PCDHA3: variants seen among roughly 807,000 people sequenced by gnomAD.
The protein encoded by PCDHA3 is protocadherin alpha-3.
A neutral mutation model predicts 62.2 loss-of-function variants in PCDHA3; 41 were observed. The observed-to-expected ratio is 0.66, with a 90% CI of 0.51 to 0.86. The LOEUF is 0.86. Ranked by LOEUF, PCDHA3 falls within the 40% of genes least tolerant of loss-of-function variation. The pLI is 0.00. For missense variants in PCDHA3, 1,304 were observed against 1,241.2 expected (o/e 1.05, Z -0.76); for synonymous variants, 640 against 555.4 (o/e 1.15, Z -2.14).
intron 1 of PCDHA3, among the ~76,000 whole-genome samples, chr5:140,885,084 A>C (rs1313908585): frequency 6.6e-6 from 1 of 152,198 alleles, no homozygotes; most frequent in South Asian, 2.1e-4. Context: ...AAAGAGCCCC[A>C]TAACTTTTCA....
At chr5:141,007,804 A>G (rs966389410) in intron 3 of PCDHA3, among the ~76,000 whole-genome samples, 1 of 152,204 alleles carries the variant, frequency 6.6e-6, no homozygotes, top group Non-Finnish European at 1.5e-5. Context: ...TTTATCTGCC[A>G]TTCATTTGCC....
chr5:140,805,698 GAATT>G (rs782460054), intron 1 of PCDHA3: 697 of 650,068 alleles, frequency 1.1e-3, no homozygotes, highest in Non-Finnish European at 1.3e-3. Context: ...TGATTACCAA[GAATT>G]AGAATAAAAA....
chr5:140,830,269 A>T, intron 1 of PCDHA3: 6 of 1,613,514 alleles, frequency 3.7e-6, no homozygotes, highest in Non-Finnish European at 5.1e-6. Flanking sequence ...GCTCGGCGCC[A>T]CCCACCGAGG....
chr5:140,969,700 A>G (rs2096354004), intron 1 of PCDHA3, among the ~76,000 whole-genome samples: 1 of 152,178 alleles, frequency 6.6e-6, no homozygotes. Context: ...CCTCTGCTGT[A>G]TCATCTACAG....
At chr5:140,999,524 C>T (rs1367103048) in intron 3 of PCDHA3, among the ~76,000 whole-genome samples, 1 of 152,026 alleles carries the variant, frequency 6.6e-6, no homozygotes, top group Non-Finnish European at 1.5e-5. Context: ...ATTTTGTTAC[C>T]CCCTGGATAT....
rs2153691387 is a variant in PCDHA3, at chr5:140,951,014, G to C, written c.2395-27935G>C. Among the ~76,000 whole-genome samples the C allele has an allele frequency of 1.3e-5, 2 of 151,872 alleles. 1 individual carries two copies. Among genetic ancestry groups the C allele is most frequent in the Middle Eastern group, 6.8e-3 (2 of 294 alleles). On this transcript the variant is annotated intron_variant, in intron 1 of 3. Coordinates refer to ENST00000522353, the MANE Select transcript of PCDHA3 (RefSeq NM_018906.3). The stretch of plus-strand genomic sequence containing the variant: ...TTAGCTCCATTTTTCCCAAGATCAG[G>C]CAGTGAGTTTTAATTTCAAATATTA...
chr5:140,809,503 C>T lies in PCDHA3; in HGVS notation c.2394+5912C>T, dbSNP rs782650472. 22 of 1,614,096 alleles carry T rather than the reference C, an allele frequency of 1.4e-5. No individual in the cohort carries two copies. The Admixed American group carries it at 2.5e-4, about 18-fold the overall frequency. On this transcript the variant is annotated intron_variant, in intron 1 of 3. Coordinates refer to ENST00000522353, the MANE Select transcript of PCDHA3 (RefSeq NM_018906.3). The stretch of plus-strand genomic sequence containing the variant: ...CACCCAAGACCGACCTCATGGCCTT[C>T]AGCCCCAGTTTACCTGACTCTAGGG...
intron 1 of PCDHA3, chr5:140,843,933 G>A: frequency 1.7e-6 from 1 of 576,250 alleles, no homozygotes. Context: ...CTCAAGTTAT[G>A]GTTGGATGAT....
At chr5:140,858,289 T>A in intron 1 of PCDHA3, 2 of 1,597,184 alleles carry the variant, frequency 1.3e-6, no homozygotes, top group East Asian at 4.5e-5. Context: ...GGAGCTGGTC[T>A]TACTCGCAGC....
chr5:140,999,751 G>A (rs1167424188), intron 3 of PCDHA3, among the ~76,000 whole-genome samples: 1 of 152,150 alleles, frequency 6.6e-6, no homozygotes, highest in Non-Finnish European at 1.5e-5. Flanking sequence ...TGGGTTCGCA[G>A]CACATGATGT....
At chr5:140,935,767 T>C (rs1373324342) in intron 1 of PCDHA3, among the ~76,000 whole-genome samples, 2 of 152,184 alleles carry the variant, frequency 1.3e-5, no homozygotes, top group Non-Finnish European at 2.9e-5. Flanking sequence ...TCTTCCCCAC[T>C]TTGAGTTTTT....
At chr5:140,882,755 G>T in intron 1 of PCDHA3, 1 of 1,614,230 alleles carries the variant, frequency 6.2e-7, no homozygotes, top group Non-Finnish European at 8.5e-7. Flanking sequence ...TGCAGATATT[G>T]GAGTAAACTC....
rs543216216 is a variant in PCDHA3, at chr5:140,917,329, G to A, written c.2395-61620G>A. 1.4e-4 allele frequency among the ~76,000 whole-genome samples: 20 copies of A among 144,014 alleles called. 2 individuals are homozygous for A. In the South Asian group the frequency reaches 2.0e-3, roughly 14 times the overall value. The allele number at this position is 144,014 out of a possible 152,430, so 94.5% of individuals were successfully genotyped here. ...ACAATTTGGTGTTCATGTGGCGGGG[G>A]AGGGGGGGGATGGTGTAGGCTTCTG... is the stretch of plus-strand genomic sequence containing the variant. On this transcript the variant is annotated intron_variant, in intron 1 of 3. Coordinates refer to ENST00000522353, the MANE Select transcript of PCDHA3 (RefSeq NM_018906.3).
rs782380359 is a variant in PCDHA3 at position 140,858,226 on chromosome 5, C to T, written c.2394+54635C>T. ...CACTGAGGTGCTCGGCGGCGCCCAC[C>T]GAGGGCGCATGTGGGCCGGTGAAGC... On this transcript the variant is annotated intron_variant, in intron 1 of 3. Transcript: ENST00000522353. 1.3e-5 allele frequency: 21 copies of T among 1,595,412 alleles called. 1 individual carries two copies. The highest frequency in any genetic ancestry group is 1.6e-5 in the Non-Finnish European group (19 of 1,165,410).
intron 1 of PCDHA3, chr5:140,828,112 T>C (rs970956452): frequency 6.2e-7 from 1 of 1,611,926 alleles, no homozygotes; most frequent in Non-Finnish European, 8.5e-7. Flanking sequence ...CCCCGGAGGA[T>C]AGATTGGGAA....
At chr5:140,930,420 A>T (rs996872425) in intron 1 of PCDHA3, 2 of 151,962 alleles carry the variant, frequency 1.3e-5, no homozygotes, top group Non-Finnish European at 2.9e-5. Context: ...CAGGGGTCTC[A>T]CTATGTTGCC....
chr5:140,841,710 C>G (rs2150321322), intron 1 of PCDHA3: 2 of 1,613,856 alleles, frequency 1.2e-6, no homozygotes, highest in African/African-American at 1.3e-5. Context: ...AATGACAACC[C>G]GCCAGTGTTC....
chr5:140,808,376 C>T, intron 1 of PCDHA3: 1 of 1,614,202 alleles, frequency 6.2e-7, no homozygotes, highest in Non-Finnish European at 8.5e-7. Context: ...CCCCTTCAAG[C>T]TGGTGTCCAC....
intron 1 of PCDHA3, among the ~76,000 whole-genome samples, chr5:140,941,192 TTTCTTTCTTCCTTTCTTTCTTCC>T (rs2153649449): frequency 1.0e-5 from 1 of 99,660 alleles, no homozygotes; most frequent in African/African-American, 4.0e-5. Flanking sequence ...CTTCTTTTTT[TTTCTTTCTTCCTTTCTTTCTTCC>T]TTTCTTTCTT....
Sources: allele counts gnomAD v4.1 joint callset (sites outside exome capture counted in the v4.1 genomes callset), GRCh38; gene constraint gnomAD v4.1.1; transcripts MANE v1.5; gene names NCBI Gene and HGNC (gene_info 2026-07-23, HGNC 2026-07-21).